RCBTB1: variants seen among roughly 807,000 people sequenced by gnomAD.
RCBTB1 encodes RCC1 and BTB domain containing protein 1, also known as RCC1 and BTB domain-containing protein 1.
Under a neutral mutation model 62.4 loss-of-function variants are expected in RCBTB1, and 46 were observed. The observed-to-expected ratio is 0.74, with a 90% CI of 0.58 to 0.94. The LOEUF (loss-of-function observed/expected upper bound fraction) is 0.94. RCBTB1 is among the 40% of genes least tolerant of loss of function. The pLI is 0.00. For synonymous variants in RCBTB1, 222 were observed against 245.8 expected, an observed-to-expected ratio of 0.90 and a Z score of 0.91; for missense variants, 565 against 654.9, an observed-to-expected ratio of 0.86 and a Z score of 1.50.
chr13:49,567,428 G>T, intron 2 of RCBTB1, 108 bp from the exon 3 acceptor site: 1 of 778,112 alleles, frequency 1.3e-6, no homozygotes, highest in Non-Finnish European at 2.0e-6. Flanking sequence ...TAGAATAAAT[G>T]AACTACCTTT....
At chr13:49,551,201 CTT>C in intron 8 of RCBTB1, 123 bp downstream of exon 8, 4 of 1,176,778 alleles carry the variant, frequency 3.4e-6, no homozygotes, top group Non-Finnish European at 4.8e-6. Flanking sequence ...AAGGTTATCT[CTT>C]TTGTCCAAAA....
At chr13:49,554,465 A>G (rs1171065268) in intron 6 of RCBTB1, among the ~76,000 whole-genome samples, 1 of 152,204 alleles carries the variant, frequency 6.6e-6, no homozygotes, top group South Asian at 2.1e-4. Context: ...ATAAGTTAAC[A>G]TAAGGTCTAT....
intron 5 of RCBTB1, among the ~76,000 whole-genome samples, chr13:49,559,447 G>A (rs1276365688): frequency 6.6e-6 from 1 of 152,092 alleles, no homozygotes; most frequent in Admixed American, 6.5e-5. Flanking sequence ...ACGAGGTCAG[G>A]AGATCGAGAC....
At chr13:49,580,231 CCAAA>C (rs1164195738) in intron 2 of RCBTB1, among the ~76,000 whole-genome samples, 2 of 151,976 alleles carry the variant, frequency 1.3e-5, no homozygotes, top group East Asian at 1.9e-4. Flanking sequence ...CTTTGTTAAA[CCAAA>C]CAAACAGGTG....
Position 49,570,622 on chromosome 13 carries a change from G to A in RCBTB1, c.-41-3302C>T, listed in dbSNP as rs186018677. Among the ~76,000 whole-genome samples, 6 of 152,268 alleles carry A rather than the reference G, an allele frequency of 3.9e-5. No individual in the cohort carries two copies. In the East Asian group the frequency reaches 1.2e-3, roughly 29 times the overall value. On this transcript the variant is annotated intron_variant, in intron 2 of 12. Coordinates refer to ENST00000378302, the MANE Select transcript of RCBTB1 (RefSeq NM_018191.4). ...TGTTCAAGATATAATGAAGAAGCTG[G>A]GGGATTTCTTGAACAGATAAGAACA...
At chr13:49,570,300 T>C (rs907485309) in intron 2 of RCBTB1, among the ~76,000 whole-genome samples, 2 of 152,268 alleles carry the variant, frequency 1.3e-5, no homozygotes, top group African/African-American at 4.8e-5. Context: ...ACCTTCATAA[T>C]GATGGGGCAT....
In RCBTB1 at chr13:49,566,647, C is replaced by G; in HGVS notation, c.248G>C (p.Ser83Thr). The change falls in exon 4 of 13, where the codon AGT (serine) becomes ACT (threonine). Residue 83 changes from serine (S) to threonine (T), a missense_variant. Coordinates refer to ENST00000378302, the MANE Select transcript of RCBTB1 (RefSeq NM_018191.4). ...GKKIKSLSYG[S>T]GPHVLLSTED... ...GGTGCTGAGAAGAACATGTGGTCCA[C>G]TCCCGTAACTGAGGCTTTTAATCTT... 1 of 1,614,086 alleles carries G rather than the reference C, an allele frequency of 6.2e-7. No homozygotes were observed. Among genetic ancestry groups the G allele is most frequent in the Non-Finnish European group, 8.5e-7 (1 of 1,179,974 alleles).
At chr13:49,568,799 T>TA (rs780402049) in intron 2 of RCBTB1, among the ~76,000 whole-genome samples, 40 of 152,196 alleles carry the variant, frequency 2.6e-4, no homozygotes, top group Admixed American at 1.5e-3. Flanking sequence ...CATGGTGGTG[T>TA]GTGCCTGCAG....
At chr13:49,574,363 C>G (rs1380003637) in intron 2 of RCBTB1, among the ~76,000 whole-genome samples, 1 of 152,118 alleles carries the variant, frequency 6.6e-6, no homozygotes, top group Non-Finnish European at 1.5e-5. Context: ...AGGTGATCTG[C>G]CCACCTCAGC....
chr13:49,578,282 C>T (rs938755927), intron 2 of RCBTB1, among the ~76,000 whole-genome samples: 12 of 152,242 alleles, frequency 7.9e-5, no homozygotes, highest in Non-Finnish European at 1.3e-4. Context: ...TAGTTGTTAA[C>T]GTTTATTGCT....
rs200435946 is a variant in RCBTB1 at position 49,549,634 on chromosome 13, G to T, written c.869C>A (p.Ala290Glu). The change falls in exon 9 of 13, where the codon GCA becomes GAA. Residue 290 changes from alanine to glutamate, a missense_variant. Physicochemically the swap from Ala to Glu is moderately radical, Grantham distance 107. Coordinates refer to ENST00000378302, the MANE Select transcript of RCBTB1 (RefSeq NM_018191.4). ...AGACGTGTGGGCAGAGTGACAGGCT[G>T]CAATCTCTACCACCCTGAAAAGTTT... ...MVEKERVVEI[A>E]ACHSAHTSAA... 1 of 1,610,854 alleles carries T rather than the reference G, an allele frequency of 6.2e-7. No homozygotes were observed. Among genetic ancestry groups the T allele is most frequent in the Non-Finnish European group, 8.5e-7 (1 of 1,178,112 alleles).
In RCBTB1 at chr13:49,549,449, C is replaced by T. The variant is rs1001550788; in HGVS notation, c.1045+9G>A. On this transcript the variant is annotated intron_variant, in intron 9 of 12. Coordinates refer to ENST00000378302, the MANE Select transcript of RCBTB1 (RefSeq NM_018191.4). The stretch of plus-strand genomic sequence containing the variant: ...CTTCCTGGGTGGAGGTGGCCCTGCA[C>T]TTTCTTACCCACAGACAGGAGGCGC... 2.5e-6 allele frequency: 4 copies of T among 1,600,800 alleles called. No homozygotes were observed. Among genetic ancestry groups the T allele is most frequent in the Non-Finnish European group, 2.6e-6 (3 of 1,170,810 alleles).
chr13:49,580,101 G>T (rs1016773345), intron 2 of RCBTB1, among the ~76,000 whole-genome samples: 4 of 152,212 alleles, frequency 2.6e-5, no homozygotes, highest in African/African-American at 9.7e-5. Flanking sequence ...CATATCTAGG[G>T]TTGTGCAGCT....
intron 12 of RCBTB1, among the ~76,000 whole-genome samples, chr13:49,540,534 G>A (rs955513339): frequency 6.6e-6 from 1 of 152,198 alleles, no homozygotes; most frequent in Admixed American, 6.5e-5. Flanking sequence ...GGTAAGTCTC[G>A]AAATAAACAC....
At chr13:49,534,799 C>T (rs1259659966) in intron 12 of RCBTB1, among the ~76,000 whole-genome samples, 2 of 151,982 alleles carry the variant, frequency 1.3e-5, no homozygotes, top group South Asian at 2.1e-4. Flanking sequence ...TTTGGGAGGC[C>T]GAGGCGGGCG....
At chr13:49,574,685 A>C (rs1963651031) in intron 2 of RCBTB1, among the ~76,000 whole-genome samples, 1 of 81,762 alleles carries the variant, frequency 1.2e-5, no homozygotes, top group Non-Finnish European at 3.1e-5. Flanking sequence ...GTGATTCCTT[A>C]AAAAAAAAAA....
intron 6 of RCBTB1, among the ~76,000 whole-genome samples, chr13:49,552,869 A>T (rs8001595): frequency 1 from 152,152 of 152,196 alleles, 76,054 homozygotes; most frequent in Non-Finnish European, 1. Flanking sequence ...GCTGGACACA[A>T]CTGCGGTAGT....
chr13:49,579,481 G>A lies in RCBTB1; in HGVS notation c.-42+1024C>T, dbSNP rs376136462. Among the ~76,000 whole-genome samples, 62 of 152,234 alleles carry A rather than the reference G, an allele frequency of 4.1e-4. 1 individual carries two copies. In the South Asian group the frequency reaches 0.011, roughly 26 times the overall value. ...TACTAAAAATACAAAAAAATTAGCC[G>A]GGCCTGGTAGTGGGCGCCTGTAGTC... On this transcript the variant is annotated intron_variant, in intron 2 of 12. Transcript: ENST00000378302.
chr13:49,558,323 T>C (rs1053616036), intron 5 of RCBTB1, among the ~76,000 whole-genome samples: 20 of 152,166 alleles, frequency 1.3e-4, no homozygotes, highest in African/African-American at 4.8e-4. Context: ...TGTGGCCACA[T>C]GCAACCCTGA....
Sources: allele counts gnomAD v4.1 joint callset (sites outside exome capture counted in the v4.1 genomes callset), GRCh38; gene constraint gnomAD v4.1.1; transcripts MANE v1.5; gene names NCBI Gene and HGNC (gene_info 2026-07-23, HGNC 2026-07-21).